Variants in MAP2 observed in about 807,000 individuals in gnomAD.
MAP2 encodes the protein microtubule associated protein 2, also known as microtubule-associated protein 2.
Under a neutral mutation model 137.6 loss-of-function variants are expected in MAP2, and 14 were observed. The observed-to-expected ratio is 0.10, with a 90% CI of 0.07 to 0.16. The LOEUF is 0.16. MAP2 is among the 10% of genes least tolerant of loss of function. The pLI is 1.00. For synonymous variants in MAP2, 786 were observed against 782.3 expected, an observed-to-expected ratio of 1.00 and a Z score of -0.08; for missense variants, 2,088 against 2,191.5, an observed-to-expected ratio of 0.95 and a Z score of 0.94.
intron 13 of MAP2, among the ~76,000 whole-genome samples, chr2:209,717,508 A>G (rs1559652786): frequency 6.6e-6 from 1 of 152,180 alleles, no homozygotes; most frequent in African/African-American, 2.4e-5. Context: ...TGCTAATTAC[A>G]TAGTTTACCT....
chr2:209,446,439 G>T (rs1246080246), intron 1 of MAP2, among the ~76,000 whole-genome samples: 1 of 151,616 alleles, frequency 6.6e-6, no homozygotes, highest in Non-Finnish European at 1.5e-5. Flanking sequence ...ACCAATCTCA[G>T]TTCTGGAAAA....
chr2:209,465,773 T>C (rs1348935359), intron 1 of MAP2, among the ~76,000 whole-genome samples: 1 of 152,182 alleles, frequency 6.6e-6, no homozygotes, highest in Admixed American at 6.5e-5. Flanking sequence ...AAAACACATG[T>C]TGGTTCTTGA....
chr2:209,669,518 A>T (rs952054923), intron 5 of MAP2, among the ~76,000 whole-genome samples: 2 of 152,086 alleles, frequency 1.3e-5, no homozygotes, highest in African/African-American at 4.8e-5. Flanking sequence ...ACTAGTAAAG[A>T]CTATTCTTGG....
chr2:209,574,049 G>A (rs1578711496), intron 2 of MAP2, among the ~76,000 whole-genome samples: 2 of 151,930 alleles, frequency 1.3e-5, no homozygotes, highest in South Asian at 2.1e-4. Flanking sequence ...AATCATAATT[G>A]TATACATTTA....
chr2:209,613,895 A>C (rs1242318624), intron 3 of MAP2, among the ~76,000 whole-genome samples: 1 of 152,114 alleles, frequency 6.6e-6, no homozygotes, highest in East Asian at 1.9e-4. Flanking sequence ...ATTCCTTTGG[A>C]ACAACAATAA....
At chr2:209,498,833 A>G (rs867050307) in intron 1 of MAP2, among the ~76,000 whole-genome samples, 115 of 152,240 alleles carry the variant, frequency 7.6e-4, no homozygotes, top group African/African-American at 2.6e-3. Flanking sequence ...GGCCCACAAA[A>G]ACATTCTTCC....
chr2:209,595,204 C>T lies in MAP2; in HGVS notation c.-107+15104C>T, dbSNP rs182591204. On this transcript the variant is annotated intron_variant, in intron 3 of 15. Transcript: ENST00000682079. ...AAATAAATGTGAAATTTAGGTTTGG[C>T]GGTTTGGCGTAGAATATATGACTTA... 2.6e-3 allele frequency among the ~76,000 whole-genome samples: 348 copies of T among 135,234 alleles called. 1 individual carries two copies. The highest frequency in any genetic ancestry group is 5.7e-4 in the Non-Finnish European group (38 of 66,300). The allele number at this position is 135,234 out of a possible 152,430, so 88.7% of individuals were successfully genotyped here.
chr2:209,581,350 G>T (rs565848429), intron 3 of MAP2, among the ~76,000 whole-genome samples: 6 of 152,214 alleles, frequency 3.9e-5, no homozygotes, highest in Admixed American at 1.3e-4. Context: ...GAATGAATTC[G>T]TTAAAATAAA....
chr2:209,561,193 T>C (rs1225641623), intron 2 of MAP2, among the ~76,000 whole-genome samples: 1 of 152,226 alleles, frequency 6.6e-6, no homozygotes, highest in Non-Finnish European at 1.5e-5. Flanking sequence ...GTATGATTTA[T>C]GTCGGAATGT....
chr2:209,625,603 C>A (rs935157576), intron 4 of MAP2, among the ~76,000 whole-genome samples: 3 of 152,156 alleles, frequency 2.0e-5, no homozygotes, highest in African/African-American at 7.2e-5. Flanking sequence ...CCTGAGATTG[C>A]ATACATGGCT....
rs1032542516 is a variant in MAP2 at position 209,546,184 on chromosome 2, G to A, written c.-171-33852G>A. Among the ~76,000 whole-genome samples the A allele has an allele frequency of 7.2e-5, 11 of 151,972 alleles. No homozygotes were observed. The South Asian group carries it at 8.3e-4, about 11-fold the overall frequency. On this transcript the variant is annotated intron_variant, in intron 2 of 15. Transcript: ENST00000682079. ...AGAAAAAAGAAAAAAAGAAATGCAC[G>A]CAACTTTTTGTAATTTATGGTCACA...
chr2:209,573,992 T>C (rs993708796), intron 2 of MAP2, among the ~76,000 whole-genome samples: 2 of 152,190 alleles, frequency 1.3e-5, no homozygotes, highest in African/African-American at 4.8e-5. Context: ...ATTCTATGAA[T>C]ATACCACATT....
At chr2:209,606,491 A>C (rs1470977975) in intron 3 of MAP2, among the ~76,000 whole-genome samples, 1 of 151,996 alleles carries the variant, frequency 6.6e-6, no homozygotes, top group East Asian at 1.9e-4. Flanking sequence ...ACACCACTGT[A>C]CTCCAGCCTT....
At chr2:209,688,042 A>T (rs1304177722) in intron 7 of MAP2, among the ~76,000 whole-genome samples, 1 of 152,124 alleles carries the variant, frequency 6.6e-6, no homozygotes, top group Non-Finnish European at 1.5e-5. Flanking sequence ...GTGTGCCTTA[A>T]TACAGGGTGG....
At chr2:209,495,216 C>T (rs976915135) in intron 1 of MAP2, among the ~76,000 whole-genome samples, 43 of 152,204 alleles carry the variant, frequency 2.8e-4, no homozygotes, top group African/African-American at 9.2e-4. Flanking sequence ...TCCCATCTCC[C>T]GGCGACAGAG....
chr2:209,591,890 T>C (rs962202941), intron 3 of MAP2, among the ~76,000 whole-genome samples: 14 of 152,216 alleles, frequency 9.2e-5, no homozygotes, highest in African/African-American at 2.9e-4. Context: ...ATGAATGTAT[T>C]CTGTTCTGTA....
At chr2:209,618,343 G>A (rs2153513322) in intron 3 of MAP2, among the ~76,000 whole-genome samples, 1 of 152,238 alleles carries the variant, frequency 6.6e-6, no homozygotes, top group South Asian at 2.1e-4. Context: ...GAAAGTTCAG[G>A]ATGAATACAT....
At chr2:209,725,131 G>A (rs987414051) in intron 13 of MAP2, among the ~76,000 whole-genome samples, 1 of 152,162 alleles carries the variant, frequency 6.6e-6, no homozygotes, top group Non-Finnish European at 1.5e-5. Context: ...CAAATATTGG[G>A]AGAGGAAATA....
At chr2:209,466,724 G>C (rs546766621) in intron 1 of MAP2, among the ~76,000 whole-genome samples, 1 of 152,278 alleles carries the variant, frequency 6.6e-6, no homozygotes, top group Non-Finnish European at 1.5e-5. Context: ...CTTAAAGATA[G>C]GGAAGGCATT....
Sources: allele counts gnomAD v4.1 joint callset (sites outside exome capture counted in the v4.1 genomes callset), GRCh38; gene constraint gnomAD v4.1.1; transcripts MANE v1.5; gene names NCBI Gene and HGNC (gene_info 2026-07-23, HGNC 2026-07-21).